WNT2B: variants seen among roughly 807,000 people sequenced by gnomAD.
The protein encoded by WNT2B is protein Wnt-2b.
A neutral mutation model predicts 40.5 loss-of-function variants in WNT2B; 19 were observed. The observed-to-expected ratio is 0.47, with a 90% CI of 0.33 to 0.69. WNT2B has a LOEUF of 0.69. WNT2B is among the 30% of genes least tolerant of loss of function. The pLI, the probability that WNT2B is intolerant of heterozygous loss-of-function variation, is 0.02. For synonymous variants in WNT2B, 220 were observed against 211.9 expected, an observed-to-expected ratio of 1.04 and a Z score of -0.33; for missense variants, 467 against 556.4, an observed-to-expected ratio of 0.84 and a Z score of 1.62.
chr1:112,491,159 C>A, intron 1 of WNT2B: 1 of 1,394,110 alleles, frequency 7.2e-7, no homozygotes, highest in South Asian at 1.2e-5. Context: ...CCTGTAATCC[C>A]AGCACTTTCA....
At chr1:112,479,447 A>ATG (rs1264164898) in intron 1 of WNT2B, among the ~76,000 whole-genome samples, 3 of 140,168 alleles carry the variant, frequency 2.1e-5, no homozygotes, top group Non-Finnish European at 3.1e-5. Context: ...GGTGGCAGGC[A>ATG]CCTGTAATCC....
chr1:112,511,005 GC>G (rs1355303573), intron 1 of WNT2B, among the ~76,000 whole-genome samples: 10 of 151,916 alleles, frequency 6.6e-5, no homozygotes, highest in South Asian at 4.2e-4. Flanking sequence ...ACTCTTGATT[GC>G]TTCTTACCAG....
upstream of WNT2B, among the ~76,000 whole-genome samples, chr1:112,507,446 C>T (rs2101079339): frequency 6.6e-6 from 1 of 152,350 alleles, no homozygotes; most frequent in South Asian, 2.1e-4. Flanking sequence ...AGGAGTGTCA[C>T]TGTAGGTTGG....
At chr1:112,493,505 C>A (rs1361101897) in intron 1 of WNT2B, among the ~76,000 whole-genome samples, 14 of 151,948 alleles carry the variant, frequency 9.2e-5, no homozygotes, top group Admixed American at 9.2e-4. Context: ...GCTTGTGGTC[C>A]CAGCTACTCA....
At chr1:112,511,801 T>C (rs1652361432) in intron 1 of WNT2B, among the ~76,000 whole-genome samples, 2 of 152,340 alleles carry the variant, frequency 1.3e-5, no homozygotes, top group Admixed American at 1.3e-4. Context: ...TGGTATCATA[T>C]TGTTAGCACT....
At chr1:112,490,600 C>T (rs2101064358) in intron 1 of WNT2B, among the ~76,000 whole-genome samples, 1 of 152,038 alleles carries the variant, frequency 6.6e-6, no homozygotes, top group South Asian at 2.1e-4. Context: ...CGCCATTCTC[C>T]TGCCTCAGCC....
intron 1 of WNT2B, among the ~76,000 whole-genome samples, chr1:112,498,976 G>C (rs1435371820): frequency 6.6e-6 from 1 of 152,162 alleles, no homozygotes. Flanking sequence ...GGGAGGCCGA[G>C]GCAGGTGGAT....
rs1653520551 is a variant in WNT2B at position 112,526,879 on chromosome 1, T to C, written c.*6370T>C. On this transcript the variant is annotated 3_prime_UTR_variant, in exon 5 of 5. Transcript: ENST00000369684. ...AAACTCCCATCCCAAGCCAGACAGA[T>C]GCCTACCCGTGGCCTGGCAAAGGTC... The C allele has an allele frequency of 1.3e-5, 2 of 152,218 alleles. No individual in the cohort carries two copies. The highest frequency in any genetic ancestry group is 6.5e-5 in the Admixed American group (1 of 15,270). 9.4% of individuals were successfully genotyped at this position (152,218 alleles called of 1,614,324 possible). A position where few individuals can be genotyped will look rare whatever the true frequency, so the allele number is the denominator to read the frequency against.
rs1202138612 is a variant in WNT2B, at chr1:112,524,940, TACCA to T, written c.*4435_*4438del. 1 of 152,202 alleles carries T rather than the reference TACCA, an allele frequency of 6.6e-6. No individual in the cohort carries two copies. Among genetic ancestry groups the T allele is most frequent in the East Asian group, 1.9e-4 (1 of 5,194 alleles). 9.4% of individuals were successfully genotyped at this position (152,202 alleles called of 1,614,324 possible). On this transcript the variant is annotated 3_prime_UTR_variant, in exon 5 of 5. Transcript: ENST00000369684. ...TCAAGGAATATCTACAAAGTCACATTACCAACCTGCAGGCAACTCTTTGGTTTGG... is the reference window on the plus strand; with the variant it reads ...TCAAGGAATATCTACAAAGTCACATTACCTGCAGGCAACTCTTTGGTTTGG...
At chr1:112,490,217 G>A (rs925897109) in intron 1 of WNT2B, among the ~76,000 whole-genome samples, 4 of 152,080 alleles carry the variant, frequency 2.6e-5, no homozygotes, top group Non-Finnish European at 4.4e-5. Context: ...TGCATGTGCT[G>A]TACAAAGACA....
At position 112,517,238 on chromosome 1, in the gene WNT2B, C is replaced by T. The variant is rs751768052; in HGVS notation, c.799C>T (p.Arg267Ter). The T allele has an allele frequency of 1.2e-6, 2 of 1,614,198 alleles. No homozygotes were observed. Among genetic ancestry groups the T allele is most frequent in the Non-Finnish European group, 1.7e-6 (2 of 1,180,040 alleles). ...DFRRTGDYLR[R>*]RYDGAVQVMA... Reference sequence around the variant, plus strand: ...CCGCCGCACAGGTGATTACCTGCGGCGACGCTATGATGGGGCTGTGCAGGT... The same window carrying T: ...CCGCCGCACAGGTGATTACCTGCGGTGACGCTATGATGGGGCTGTGCAGGT... Residue 267 changes from arginine to a stop codon, truncating the protein, a stop_gained, in exon 4 of 5, where the codon CGA (arginine) becomes TGA (stop). Transcript: ENST00000369684. LOFTEE classifies it high-confidence loss of function.
chr1:112,479,164 T>C (rs1333488492), intron 1 of WNT2B, among the ~76,000 whole-genome samples: 1 of 151,790 alleles, frequency 6.6e-6, no homozygotes, highest in East Asian at 1.9e-4. Context: ...GAGGTTGCAG[T>C]GAGCTGAAAT....
intron 1 of WNT2B, among the ~76,000 whole-genome samples, chr1:112,499,368 C>T (rs1651875783): frequency 6.6e-6 from 1 of 152,140 alleles, no homozygotes; most frequent in South Asian, 2.1e-4. Flanking sequence ...AAAACTCAGA[C>T]TAATATCTCT....
At chr1:112,517,921 T>A (rs928488057) in intron 4 of WNT2B, 1 of 155,306 alleles carries the variant, frequency 6.4e-6, no homozygotes, top group Non-Finnish European at 1.4e-5. Flanking sequence ...GGCAATTTCT[T>A]ATCAGAGAGT....
chr1:112,471,186 G>A lies in WNT2B; in HGVS notation c.-95+3595G>A, dbSNP rs545197589. ...ATGGTGCTGTGCTGCAGCCACGTAC[G>A]TCTTGGGGAAGCATGTGACCCTGCA... On this transcript the variant is annotated intron_variant, in intron 1 of 4. Coordinates refer to the WNT2B transcript ENST00000256640. 4.5e-4 allele frequency among the ~76,000 whole-genome samples: 68 copies of A among 152,326 alleles called. 1 individual carries two copies. Among genetic ancestry groups the A allele is most frequent in the Admixed American group, 2.7e-3 (41 of 15,300 alleles).
intron 1 of WNT2B, among the ~76,000 whole-genome samples, chr1:112,471,395 T>C (rs1440764966): frequency 6.6e-6 from 1 of 152,220 alleles, no homozygotes; most frequent in Non-Finnish European, 1.5e-5. Context: ...CACTTCCTGC[T>C]CCATCTGTGC....
At position 112,520,424 on chromosome 1, in the gene WNT2B, C is replaced by T. The variant is rs1438427787; in HGVS notation, c.1091C>T (p.Ala364Val). The T allele has an allele frequency of 1.2e-6, 2 of 1,614,060 alleles. No homozygotes were observed. The highest frequency in any genetic ancestry group is 1.7e-6 in the Non-Finnish European group (2 of 1,180,036). Reference protein sequence around the residue: ...QCECKFHWCCAVRCKECRNTV... With the variant: ...QCECKFHWCCVVRCKECRNTV... ...GAGTGCAAATTCCACTGGTGCTGTG[C>T]TGTACGGTGCAAGGAATGCAGAAAT... Residue 364 changes from alanine to valine, a missense_variant, in exon 5 of 5, where the codon GCT (alanine) becomes GTT (valine). Physicochemically the swap from Ala to Val is moderately conservative, Grantham distance 64 (BLOSUM62 0). Around this residue, in one of 2 missense-constraint regions of WNT2B, gnomAD observed 330 missense variants for 438.6 expected, o/e 0.75. Transcript: ENST00000369684.
intron 1 of WNT2B, among the ~76,000 whole-genome samples, chr1:112,487,208 A>C (rs1180368360): frequency 6.6e-6 from 1 of 152,236 alleles, no homozygotes; most frequent in African/African-American, 2.4e-5. Flanking sequence ...ATCAATACAC[A>C]CTATATGATT....
chr1:112,473,387 C>T (rs1650953048), intron 1 of WNT2B, among the ~76,000 whole-genome samples: 1 of 151,592 alleles, frequency 6.6e-6, no homozygotes, highest in South Asian at 2.1e-4. Context: ...TAACTAGAGA[C>T]ATGAAAGATG....
Sources: allele counts gnomAD v4.1 joint callset (sites outside exome capture counted in the v4.1 genomes callset), GRCh38; gene constraint gnomAD v4.1.1; regional missense constraint gnomAD v4.1.1; transcripts MANE v1.5; gene names NCBI Gene and HGNC (gene_info 2026-07-23, HGNC 2026-07-21).